Variants in NME7 observed in about 807,000 individuals in gnomAD.
The protein encoded by NME7 is NME/NM23 family member 7.
In NME7, 41 loss-of-function variants were observed where a neutral mutation model predicts 49.1. That is an observed-to-expected ratio of 0.83 (90% CI 0.65 to 1.08). The LOEUF (loss-of-function observed/expected upper bound fraction) is 1.08. Among genes scored for constraint, NME7 ranks in the 50% least tolerant of loss-of-function variants. The probability of loss-of-function intolerance (pLI) is 0.00; values close to 1 mark genes in which losing one functional copy is unlikely to be tolerated. For missense variants in NME7, 423 were observed against 463.4 expected (o/e 0.91, Z 0.80); for synonymous variants, 139 against 150.6 (o/e 0.92, Z 0.56).
At position 169,303,209 on chromosome 1, in the gene NME7, A is replaced by C. The variant is rs1347542002; in HGVS notation, c.390-14T>G. ...AATGCTTCTTTCCTATAAAATAATC[A>C]AAAAGGCAATAGTTAAGAATTATAA... On this transcript the variant is annotated splice_polypyrimidine_tract_variant and intron_variant, in intron 4 of 11. Coordinates refer to ENST00000367811, the MANE Select transcript of NME7 (RefSeq NM_013330.5). 4 of 1,400,626 alleles carry C rather than the reference A, an allele frequency of 2.9e-6. No individual in the cohort carries two copies. The highest frequency in any genetic ancestry group is 3.0e-6 in the Non-Finnish European group (3 of 1,013,508). The allele number at this position is 1,400,626 out of a possible 1,614,324, so 86.8% of individuals were successfully genotyped here.
chr1:169,191,342 A>G (rs1364858060), intron 10 of NME7, among the ~76,000 whole-genome samples: 3 of 152,180 alleles, frequency 2.0e-5, no homozygotes, highest in Non-Finnish European at 1.5e-5. Flanking sequence ...TTGCTTGTTG[A>G]TAACTATTAT....
At chr1:169,160,033 T>G (rs12744341) in intron 11 of NME7, among the ~76,000 whole-genome samples, 57,917 of 151,968 alleles carry the variant, frequency 0.38, 11,495 homozygotes, top group East Asian at 0.73. Context: ...CACTCCACAC[T>G]GGCTACCTCC....
chr1:169,260,484 G>C (rs1649124756), intron 7 of NME7, among the ~76,000 whole-genome samples: 1 of 131,548 alleles, frequency 7.6e-6, no homozygotes, highest in South Asian at 2.3e-4. Flanking sequence ...TGCTACTTTG[G>C]GTTTTCATGT....
At chr1:169,256,174 C>T (rs1368323104) in intron 7 of NME7, among the ~76,000 whole-genome samples, 2 of 133,328 alleles carry the variant, frequency 1.5e-5, no homozygotes, top group African/African-American at 5.1e-5. Flanking sequence ...AACTTGGTTC[C>T]ATTCTCCCCA....
chr1:169,263,255 GA>G lies in NME7; in HGVS notation c.754+24047del, dbSNP rs1404789856. 9.0e-5 allele frequency among the ~76,000 whole-genome samples: 12 copies of G among 133,986 alleles called. 4 individuals carry two copies. Among genetic ancestry groups the G allele is most frequent in the Admixed American group, 3.7e-4 (5 of 13,682 alleles). The allele number at this position is 133,986 out of a possible 152,430, so 87.9% of individuals were successfully genotyped here. A position where few individuals can be genotyped will look rare whatever the true frequency, so the allele number is the denominator to read the frequency against. ...CCAGTTAAGGGTTATTAACTGGGTT[GA>G]GATGGCTGAAATGACAGAAACAGAA... is the stretch of plus-strand genomic sequence containing the variant. On this transcript the variant is annotated intron_variant, in intron 7 of 11. Transcript: ENST00000367811.
chr1:169,276,476 G>A (rs1649734036), intron 7 of NME7, among the ~76,000 whole-genome samples: 1 of 133,722 alleles, frequency 7.5e-6, no homozygotes, highest in South Asian at 2.3e-4. Flanking sequence ...TATTTGCGTA[G>A]AGGTGTTTGT....
chr1:169,260,545 A>G (rs1283984939), intron 7 of NME7, among the ~76,000 whole-genome samples: 2 of 131,488 alleles, frequency 1.5e-5, no homozygotes, highest in African/African-American at 5.1e-5. Context: ...ATCCTGGATC[A>G]CAGATTCATA....
chr1:169,210,389 G>C (rs980742465), intron 10 of NME7, among the ~76,000 whole-genome samples: 20 of 152,152 alleles, frequency 1.3e-4, no homozygotes, highest in African/African-American at 4.8e-4. Flanking sequence ...CTAGAACCTA[G>C]AGAGCATCCC....
chr1:169,222,971 G>A (rs544407592), intron 10 of NME7, among the ~76,000 whole-genome samples: 5 of 152,236 alleles, frequency 3.3e-5, no homozygotes, highest in African/African-American at 1.2e-4. Flanking sequence ...TTAGACCCTG[G>A]TGAGGTTTCA....
intron 3 of NME7, among the ~76,000 whole-genome samples, chr1:169,320,184 C>T (rs1018287204): frequency 3.3e-5 from 5 of 151,996 alleles, no homozygotes; most frequent in Non-Finnish European, 2.9e-5. Context: ...CATAAAGCAC[C>T]AATTAATTAC....
chr1:169,153,958 G>A (rs1658989816), intron 11 of NME7, among the ~76,000 whole-genome samples: 1 of 151,834 alleles, frequency 6.6e-6, no homozygotes, highest in East Asian at 1.9e-4. Flanking sequence ...TCTTGCCTTG[G>A]TCTTTCAAAG....
At chr1:169,276,454 G>A (rs1196971804) in intron 7 of NME7, among the ~76,000 whole-genome samples, 2 of 133,592 alleles carry the variant, frequency 1.5e-5, no homozygotes, top group African/African-American at 5.1e-5. Context: ...ATTTCTTCTC[G>A]ATTTTCTAGT....
At chr1:169,279,945 C>A (rs1649934522) in intron 7 of NME7, among the ~76,000 whole-genome samples, 1 of 152,220 alleles carries the variant, frequency 6.6e-6, no homozygotes, top group African/African-American at 2.4e-5. Context: ...GTCTTTACAG[C>A]AGAATGATTT....
Position 169,244,635 on chromosome 1 carries a change from CA to C in NME7, c.755-6949del, listed in dbSNP as rs71121747. The stretch of plus-strand genomic sequence containing the variant: ...TGGACCACAGACTGAGACTCCATCT[CA>C]AAAAAAAAAAAAAAAAAAATTAAGT... On this transcript the variant is annotated intron_variant, in intron 7 of 11. Transcript: ENST00000367811. 6.2e-3 allele frequency among the ~76,000 whole-genome samples: 526 copies of C among 85,342 alleles called. 1 individual carries two copies. Among genetic ancestry groups the C allele is most frequent in the Non-Finnish European group, 7.8e-3 (344 of 43,950 alleles). 56.0% of individuals were successfully genotyped at this position (85,342 alleles called of 152,430 possible).
At chr1:169,339,176 C>T (rs879717081) in intron 1 of NME7, among the ~76,000 whole-genome samples, 1 of 152,142 alleles carries the variant, frequency 6.6e-6, no homozygotes, top group Non-Finnish European at 1.5e-5. Flanking sequence ...AAACTCCCCC[C>T]CAAACTCTAA....
At chr1:169,218,817 C>G (rs1225145534) in intron 10 of NME7, among the ~76,000 whole-genome samples, 1 of 151,776 alleles carries the variant, frequency 6.6e-6, no homozygotes, top group Non-Finnish European at 1.5e-5. Flanking sequence ...ATCATTAATT[C>G]CACTGGAAGT....
At chr1:169,321,364 A>G (rs1231858466) in intron 3 of NME7, among the ~76,000 whole-genome samples, 2 of 152,192 alleles carry the variant, frequency 1.3e-5, no homozygotes, top group Non-Finnish European at 2.9e-5. Flanking sequence ...CACCTCAAAA[A>G]TAACAATAAT....
chr1:169,284,118 C>T lies in NME7; in HGVS notation c.754+3185G>A, dbSNP rs184055228. 3.3e-5 allele frequency: 5 copies of T among 152,232 alleles called. No individual in the cohort carries two copies. The East Asian group carries it at 9.7e-4, about 29-fold the overall frequency. The allele number at this position is 152,232 out of a possible 1,614,324, so 9.4% of individuals were successfully genotyped here. Reference sequence around the variant, plus strand: ...GCAGATTTGTCTTTTCACATAATCCCATATTTCTTGGAGGCTTTGTTCATT... The same window carrying T: ...GCAGATTTGTCTTTTCACATAATCCTATATTTCTTGGAGGCTTTGTTCATT... On this transcript the variant is annotated intron_variant, in intron 7 of 11. Transcript: ENST00000367811.
chr1:169,243,526 G>C (rs1648178010), intron 7 of NME7, among the ~76,000 whole-genome samples: 2 of 152,204 alleles, frequency 1.3e-5, no homozygotes, highest in African/African-American at 4.8e-5. Context: ...CTCCCAATGT[G>C]ATAAAGGTAG....
Sources: gnomAD v4.1 joint callset for allele counts (sites outside exome capture counted in the v4.1 genomes callset) on GRCh38, gnomAD v4.1.1 for gene constraint, MANE v1.5 for transcripts, NCBI Gene and HGNC (gene_info 2026-07-23, HGNC 2026-07-21) for gene names.